Variants in PRKG1 observed in about 807,000 individuals in gnomAD.
The protein encoded by PRKG1 is cGMP-dependent protein kinase 1.
Under a neutral mutation model 88.1 loss-of-function variants are expected in PRKG1, and 35 were observed. That is an observed-to-expected ratio of 0.40 (90% CI 0.30 to 0.53). The LOEUF is 0.53. Ranked by LOEUF, PRKG1 falls within the 20% of genes least tolerant of loss-of-function variation. The pLI is 0.59. For synonymous variants in PRKG1, 303 were observed against 292.5 expected, an observed-to-expected ratio of 1.04 and a Z score of -0.37; for missense variants, 540 against 839.8, an observed-to-expected ratio of 0.64 and a Z score of 4.41.
At chr10:51,133,036 G>A (rs1564612948) in intron 1 of PRKG1, among the ~76,000 whole-genome samples, 1 of 152,052 alleles carries the variant, frequency 6.6e-6, no homozygotes, top group African/African-American at 2.4e-5. Flanking sequence ...GTCCAAATGA[G>A]CCTTACAATG....
intron 2 of PRKG1, among the ~76,000 whole-genome samples, chr10:51,312,863 T>C (rs574037748): frequency 1.3e-5 from 2 of 152,182 alleles, no homozygotes; most frequent in Non-Finnish European, 2.9e-5. Flanking sequence ...TTGCCAAATT[T>C]TTCACTGTGG....
At chr10:51,236,508 CTT>C (rs200767015) in intron 2 of PRKG1, among the ~76,000 whole-genome samples, 26 of 138,288 alleles carry the variant, frequency 1.9e-4, no homozygotes, top group Non-Finnish European at 2.4e-4. Flanking sequence ...AAACCAGGTT[CTT>C]TTTTTTTTTT....
intron 4 of PRKG1, among the ~76,000 whole-genome samples, chr10:51,856,328 G>A (rs1191546226): frequency 6.6e-6 from 1 of 152,242 alleles, no homozygotes; most frequent in East Asian, 1.9e-4. Context: ...ACTACCCCAG[G>A]TTAGAATTCT....
chr10:52,039,610 A>G (rs1470339823), intron 5 of PRKG1, among the ~76,000 whole-genome samples: 1 of 152,136 alleles, frequency 6.6e-6, no homozygotes, highest in Non-Finnish European at 1.5e-5. Flanking sequence ...ATCCTCTGCT[A>G]GTAACCCTCT....
intron 7 of PRKG1, among the ~76,000 whole-genome samples, chr10:52,108,834 T>TC: frequency 7.2e-6 from 1 of 138,602 alleles, no homozygotes; most frequent in South Asian, 2.6e-4. Context: ...CCTTTTTTTT[T>TC]TTTTTTTTTT....
intron 1 of PRKG1, among the ~76,000 whole-genome samples, chr10:51,126,580 C>T (rs934829266): frequency 6.7e-6 from 1 of 150,072 alleles, no homozygotes; most frequent in African/African-American, 2.4e-5. Context: ...TCCCATTAAA[C>T]TACCATTGAC....
intron 1 of PRKG1, among the ~76,000 whole-genome samples, chr10:51,083,097 C>A (rs1844154887): frequency 1.3e-5 from 2 of 152,116 alleles, no homozygotes. Context: ...CAACCCAAGT[C>A]CCTGGCTTGC....
chr10:52,245,749 TTTTATTTATTTATTTATTTATTTATTTA>T (rs10552419), intron 9 of PRKG1, among the ~76,000 whole-genome samples: 2 of 138,056 alleles, frequency 1.4e-5, no homozygotes, highest in South Asian at 2.4e-4. Flanking sequence ...GTTAACACCA[TTTTATTTATTTATTTATTTATTTATTTA>T]TTTATTTATT....
At chr10:51,560,943 G>A (rs1327440041) in intron 3 of PRKG1, among the ~76,000 whole-genome samples, 1 of 151,780 alleles carries the variant, frequency 6.6e-6, no homozygotes, top group East Asian at 1.9e-4. Flanking sequence ...GAAACATTGT[G>A]TGCTTAGACG....
intron 2 of PRKG1, among the ~76,000 whole-genome samples, chr10:51,227,255 G>T (rs1041155300): frequency 2.0e-5 from 3 of 151,682 alleles, no homozygotes; most frequent in Non-Finnish European, 4.4e-5. Context: ...GGCTTATAGT[G>T]CCTAGCATAA....
intron 2 of PRKG1, among the ~76,000 whole-genome samples, chr10:51,166,474 A>G (rs999463866): frequency 1.3e-5 from 2 of 152,206 alleles, no homozygotes; most frequent in Non-Finnish European, 2.9e-5. Context: ...AGCGATAACT[A>G]TAGGTATTGA....
chr10:51,161,576 T>C (rs1846363618), intron 2 of PRKG1, among the ~76,000 whole-genome samples: 3 of 152,198 alleles, frequency 2.0e-5, no homozygotes, highest in Admixed American at 2.0e-4. Flanking sequence ...GTTTGAAAAT[T>C]GCTGTACTTG....
chr10:50,999,385 A>G (rs1211119843), intron 1 of PRKG1, among the ~76,000 whole-genome samples: 1 of 152,238 alleles, frequency 6.6e-6, no homozygotes, highest in African/African-American at 2.4e-5. Context: ...TACTGTAATC[A>G]GCTTGTTAGG....
At chr10:51,975,151 A>T (rs1210625497) in intron 5 of PRKG1, among the ~76,000 whole-genome samples, 1 of 152,128 alleles carries the variant, frequency 6.6e-6, no homozygotes, top group East Asian at 1.9e-4. Flanking sequence ...TTTATAAGTA[A>T]CCATAAAATA....
chr10:51,824,884 C>G (rs1439822987), intron 4 of PRKG1, among the ~76,000 whole-genome samples: 1 of 152,154 alleles, frequency 6.6e-6, no homozygotes, highest in Non-Finnish European at 1.5e-5. Flanking sequence ...CAGGCCCCAC[C>G]TCCACTAATG....
At chr10:52,261,169 C>G (rs1414730956) in intron 10 of PRKG1, among the ~76,000 whole-genome samples, 1 of 151,654 alleles carries the variant, frequency 6.6e-6, no homozygotes, top group African/African-American at 2.4e-5. Flanking sequence ...TCAAAAATAC[C>G]TTTGTCTTTT....
chr10:52,117,712 C>T (rs1847722307), intron 7 of PRKG1, among the ~76,000 whole-genome samples: 1 of 151,902 alleles, frequency 6.6e-6, no homozygotes, highest in East Asian at 1.9e-4. Context: ...TAATAACTAT[C>T]CCTTCTTCCT....
intron 2 of PRKG1, among the ~76,000 whole-genome samples, chr10:51,446,779 G>A (rs780459494): frequency 9.9e-5 from 15 of 152,184 alleles, no homozygotes; most frequent in Middle Eastern, 3.4e-3. Flanking sequence ...GGCCCCTGCC[G>A]TAGGCATTTT....
chr10:51,279,250 T>C (rs1391665420), intron 2 of PRKG1, among the ~76,000 whole-genome samples: 1 of 152,224 alleles, frequency 6.6e-6, no homozygotes, highest in African/African-American at 2.4e-5. Flanking sequence ...TCAGTTTCCA[T>C]GTAGTTGAGA....
Sources: gnomAD v4.1 joint callset for allele counts (sites outside exome capture counted in the v4.1 genomes callset) on GRCh38, gnomAD v4.1.1 for gene constraint, MANE v1.5 for transcripts, NCBI Gene and HGNC (gene_info 2026-07-23, HGNC 2026-07-21) for gene names.